ZMIZ1: variants seen among roughly 807,000 people sequenced by gnomAD.
ZMIZ1 encodes the protein zinc finger MIZ-type containing 1.
A neutral mutation model predicts 113.9 loss-of-function variants in ZMIZ1; 17 were observed. The observed-to-expected ratio is 0.15, with a 90% confidence interval of 0.10 to 0.22. ZMIZ1 has a LOEUF of 0.22. Among genes scored for constraint, ZMIZ1 ranks in the 10% least tolerant of loss-of-function variants. The pLI is 1.00. For synonymous variants in ZMIZ1, 607 were observed against 603.1 expected, an observed-to-expected ratio of 1.01 and a Z score of -0.09; for missense variants, 1,059 against 1,477.8, an observed-to-expected ratio of 0.72 and a Z score of 4.65.
chr10:79,217,797 A>G (rs1187971904), intron 7 of ZMIZ1, among the ~76,000 whole-genome samples: 4 of 152,244 alleles, frequency 2.6e-5, no homozygotes, highest in African/African-American at 7.2e-5. Context: ...GACCCTGGAC[A>G]TGCCCGCCTG....
rs1769047506 is a variant in ZMIZ1 at position 79,218,512 on chromosome 10, A to T, written c.280+2238A>T. Among the ~76,000 whole-genome samples the T allele has an allele frequency of 2.7e-5, 4 of 150,518 alleles. No homozygotes were observed. The South Asian group carries it at 6.5e-4, about 25-fold the overall frequency. On this transcript the variant is annotated intron_variant, in intron 7 of 24. Transcript: ENST00000334512. Reference sequence around the variant, plus strand: ...ACAACCAAGAAACAACAACAAAAAAACCTAGTGATTAACTATACTTCTTGA... The same window carrying T: ...ACAACCAAGAAACAACAACAAAAAATCCTAGTGATTAACTATACTTCTTGA...
chr10:79,081,920 C>T (rs1174761734), intron 1 of ZMIZ1, among the ~76,000 whole-genome samples: 1 of 152,228 alleles, frequency 6.6e-6, no homozygotes, highest in Non-Finnish European at 1.5e-5. Context: ...CCCTGGAGAC[C>T]ATCCAGGCCA....
intron 7 of ZMIZ1, among the ~76,000 whole-genome samples, chr10:79,273,924 G>C (rs1852102496): frequency 6.6e-6 from 1 of 152,262 alleles, no homozygotes; most frequent in Admixed American, 6.5e-5. Context: ...GTCTGTGGGA[G>C]AGAGGCAGTC....
At chr10:79,233,019 C>T (rs944832139) in intron 7 of ZMIZ1, among the ~76,000 whole-genome samples, 2 of 152,212 alleles carry the variant, frequency 1.3e-5, no homozygotes, top group Non-Finnish European at 2.9e-5. Context: ...GCCACGCCCC[C>T]GACACCAAGG....
intron 1 of ZMIZ1, among the ~76,000 whole-genome samples, chr10:79,076,636 C>A (rs114757782): frequency 3.3e-5 from 5 of 152,306 alleles, no homozygotes; most frequent in African/African-American, 1.2e-4. Context: ...GAGTTTGACA[C>A]CAGCCTGGTC....
At position 79,190,348 on chromosome 10, in the gene ZMIZ1, G is replaced by T. The variant is rs530059044; in HGVS notation, c.-49-11236G>T. ...AGGCCTGGGTGTGGGCCCTGACCCT[G>T]CCTCGGATCCACAGTGGGGCCTTCA... On this transcript the variant is annotated intron_variant, in intron 4 of 24. Coordinates refer to ENST00000334512, the MANE Select transcript of ZMIZ1 (RefSeq NM_020338.4). Among the ~76,000 whole-genome samples the T allele has an allele frequency of 7.0e-4, 106 of 152,294 alleles. 1 individual carries two copies. Among genetic ancestry groups the T allele is most frequent in the African/African-American group, 2.5e-3 (104 of 41,568 alleles).
chr10:79,141,268 C>T (rs1332137191), intron 3 of ZMIZ1, among the ~76,000 whole-genome samples: 1 of 152,186 alleles, frequency 6.6e-6, no homozygotes, highest in Non-Finnish European at 1.5e-5. Flanking sequence ...AGAGATATAG[C>T]AGGGAATAAA....
chr10:79,097,839 C>A (rs1843223360), intron 1 of ZMIZ1, among the ~76,000 whole-genome samples: 1 of 151,728 alleles, frequency 6.6e-6, no homozygotes, highest in African/African-American at 2.4e-5. Flanking sequence ...TGCACCCCCC[C>A]ACCCAACAGT....
chr10:79,079,516 A>T (rs1021415020), intron 1 of ZMIZ1, among the ~76,000 whole-genome samples: 3 of 152,172 alleles, frequency 2.0e-5, no homozygotes, highest in African/African-American at 7.2e-5. Context: ...ACTCTTGAAG[A>T]TGTGAATAGA....
intron 1 of ZMIZ1, among the ~76,000 whole-genome samples, chr10:79,088,819 C>A (rs1181611693): frequency 6.6e-6 from 1 of 152,186 alleles, no homozygotes; most frequent in Non-Finnish European, 1.5e-5. Flanking sequence ...AGTCCTTGCT[C>A]CCCCAGGCAA....
chr10:79,312,929 G>A lies in ZMIZ1; in HGVS notation c.*180G>A. ...ACAGAGGGGTAGGGAGGGTGCACCA[G>A]TGCACCAGGAAGGCTGTGTGGGTCT... On this transcript the variant is annotated 3_prime_UTR_variant, in exon 25 of 25. Transcript: ENST00000334512. The A allele has an allele frequency of 1.6e-6, 1 of 608,394 alleles. No homozygotes were observed. Among genetic ancestry groups the A allele is most frequent in the Non-Finnish European group, 2.9e-6 (1 of 346,682 alleles). 37.7% of individuals were successfully genotyped at this position (608,394 alleles called of 1,614,324 possible). A position where few individuals can be genotyped will look rare whatever the true frequency, so the allele number is the denominator to read the frequency against.
At chr10:79,196,531 A>G (rs890522011) in intron 4 of ZMIZ1, among the ~76,000 whole-genome samples, 8 of 152,208 alleles carry the variant, frequency 5.3e-5, no homozygotes, top group African/African-American at 1.9e-4. Context: ...TCCAGAAGCC[A>G]GTTCAGTCCA....
chr10:79,289,263 C>T (rs529251508), intron 8 of ZMIZ1, among the ~76,000 whole-genome samples: 1 of 152,258 alleles, frequency 6.6e-6, no homozygotes, highest in East Asian at 1.9e-4. Context: ...AGAAAGCCTG[C>T]ATTCCCATGG....
chr10:79,277,343 A>G lies in ZMIZ1; in HGVS notation c.425+18A>G, dbSNP rs1266889794. On this transcript the variant is annotated intron_variant, in intron 8 of 24. Transcript: ENST00000334512. ...TCGCACAGGTAAGTGGGTGGGTGCCATGGGTGCAGGTACTGAGCAGACACC... is the reference window on the plus strand; with the variant it reads ...TCGCACAGGTAAGTGGGTGGGTGCCGTGGGTGCAGGTACTGAGCAGACACC... 13 of 1,588,570 alleles carry G rather than the reference A, an allele frequency of 8.2e-6. No homozygotes were observed. The highest frequency in any genetic ancestry group is 9.4e-6 in the Non-Finnish European group (11 of 1,168,066).
intron 1 of ZMIZ1, among the ~76,000 whole-genome samples, chr10:79,082,929 C>G (rs777766065): frequency 2.6e-5 from 4 of 152,132 alleles, no homozygotes; most frequent in Non-Finnish European, 5.9e-5. Flanking sequence ...AGGGCAGAGT[C>G]TGGGGTCCTT....
chr10:79,119,978 C>T lies in ZMIZ1; in HGVS notation c.-227+954C>T, dbSNP rs188606972. On this transcript the variant is annotated intron_variant, in intron 2 of 24. Transcript: ENST00000334512. ...AAGGGGCCTGTCCCACTCTCTGCTC[C>T]GTGGAGAAACAGAAAGATCCCAGTG... Among the ~76,000 whole-genome samples, 911 of 121,256 alleles carry T rather than the reference C, an allele frequency of 7.5e-3. 9 individuals carry two copies. Among genetic ancestry groups the T allele is most frequent in the African/African-American group, 0.025 (847 of 34,396 alleles). The allele number at this position is 121,256 out of a possible 152,430, so 79.5% of individuals were successfully genotyped here. A position where few individuals can be genotyped will look rare whatever the true frequency, so the allele number is the denominator to read the frequency against.
At chr10:79,218,411 GT>G (rs1404800780) in intron 7 of ZMIZ1, among the ~76,000 whole-genome samples, 2 of 152,020 alleles carry the variant, frequency 1.3e-5, no homozygotes, top group Non-Finnish European at 2.9e-5. Flanking sequence ...GGAGGTGGAG[GT>G]TGCAGTGAGT....
At chr10:79,268,908 G>A (rs1278187421) in intron 7 of ZMIZ1, among the ~76,000 whole-genome samples, 3 of 152,234 alleles carry the variant, frequency 2.0e-5, no homozygotes, top group African/African-American at 7.2e-5. Context: ...CGGCAGGGCT[G>A]CAGAAGGTGA....
intron 8 of ZMIZ1, among the ~76,000 whole-genome samples, chr10:79,278,586 C>T (rs556117092): frequency 6.6e-6 from 1 of 151,250 alleles, no homozygotes; most frequent in African/African-American, 2.4e-5. Flanking sequence ...GGTCCTGCCG[C>T]CCTCCGCAGT....
Sources: gnomAD v4.1 joint callset for allele counts (sites outside exome capture counted in the v4.1 genomes callset) on GRCh38, gnomAD v4.1.1 for gene constraint, MANE v1.5 for transcripts, NCBI Gene and HGNC (gene_info 2026-07-23, HGNC 2026-07-21) for gene names.